The following CLSTN2 variants were observed in gnomAD, a reference collection of about 807,000 sequenced individuals.
CLSTN2 encodes calsyntenin 2.
CLSTN2 carries 48 observed loss-of-function variants against 101.2 expected under a neutral mutation model. That is an observed-to-expected ratio of 0.47 (90% confidence interval 0.38 to 0.60). CLSTN2 has a LOEUF of 0.60. CLSTN2 is among the 20% of genes least tolerant of loss of function. The pLI is 0.00. For missense variants in CLSTN2, 1,160 were observed against 1,238.2 expected (o/e 0.94, Z 0.95); for synonymous variants, 481 against 463.6 (o/e 1.04, Z -0.48).
intron 2 of CLSTN2, among the ~76,000 whole-genome samples, chr3:140,389,388 GT>G (rs2088087892): frequency 6.6e-6 from 1 of 152,218 alleles, no homozygotes; most frequent in Non-Finnish European, 1.5e-5. Flanking sequence ...AACATATGGT[GT>G]TTGGTTTTGT....
intron 9 of CLSTN2, among the ~76,000 whole-genome samples, chr3:140,536,129 G>C (rs1028270035): frequency 6.6e-6 from 1 of 152,090 alleles, no homozygotes; most frequent in Admixed American, 6.5e-5. Context: ...TTAAAAAAAA[G>C]TGACCTCAAA....
At chr3:140,425,106 T>C (rs28649127) in intron 5 of CLSTN2, among the ~76,000 whole-genome samples, 2,543 of 152,322 alleles carry the variant, frequency 0.017, 72 homozygotes, top group African/African-American at 0.057. Flanking sequence ...CTAAGCCATT[T>C]CCTTTTAAGC....
At chr3:140,113,277 C>A (rs546731832) in intron 1 of CLSTN2, among the ~76,000 whole-genome samples, 1 of 152,186 alleles carries the variant, frequency 6.6e-6, no homozygotes, top group Non-Finnish European at 1.5e-5. Flanking sequence ...CAGCAGCAAC[C>A]CAGGCTGTGC....
intron 1 of CLSTN2, among the ~76,000 whole-genome samples, chr3:139,991,109 T>C (rs1350858755): frequency 1.3e-5 from 2 of 152,130 alleles, no homozygotes; most frequent in Non-Finnish European, 1.5e-5. Context: ...AAAATGTTGG[T>C]TTTATCTTAT....
At chr3:140,048,282 G>T (rs1178155019) in intron 1 of CLSTN2, among the ~76,000 whole-genome samples, 1 of 152,176 alleles carries the variant, frequency 6.6e-6, no homozygotes, top group Non-Finnish European at 1.5e-5. Flanking sequence ...GTTGTGCATG[G>T]ACCATATCTT....
chr3:140,331,579 T>C (rs1687687072), intron 2 of CLSTN2, among the ~76,000 whole-genome samples: 1 of 152,200 alleles, frequency 6.6e-6, no homozygotes, highest in African/African-American at 2.4e-5. Flanking sequence ...TGGCTTCAGG[T>C]TGACATCTTC....
chr3:140,246,537 GC>G (rs1455963557), intron 2 of CLSTN2, among the ~76,000 whole-genome samples: 2 of 152,132 alleles, frequency 1.3e-5, no homozygotes, highest in African/African-American at 4.8e-5. Context: ...GTGTTTTCTG[GC>G]CTGCACAATG....
intron 1 of CLSTN2, among the ~76,000 whole-genome samples, chr3:140,146,006 A>C (rs1190528279): frequency 6.6e-6 from 1 of 152,224 alleles, no homozygotes; most frequent in Non-Finnish European, 1.5e-5. Context: ...GGACTTGGAC[A>C]TGGGGTCATA....
chr3:139,961,232 C>A (rs1196369381), intron 1 of CLSTN2, among the ~76,000 whole-genome samples: 5 of 152,142 alleles, frequency 3.3e-5, no homozygotes, highest in African/African-American at 9.7e-5. Flanking sequence ...AGTATCACAT[C>A]CCCCCACCCC....
chr3:140,164,447 C>T (rs1401186973), intron 1 of CLSTN2, among the ~76,000 whole-genome samples: 1 of 152,188 alleles, frequency 6.6e-6, no homozygotes, highest in Non-Finnish European at 1.5e-5. Flanking sequence ...TCAAGAGTCT[C>T]ATTTTATCTT....
chr3:140,418,073 C>A (rs139869060), intron 4 of CLSTN2, among the ~76,000 whole-genome samples: 1 of 152,128 alleles, frequency 6.6e-6, no homozygotes, highest in South Asian at 2.1e-4. Context: ...AAACTCTGAG[C>A]CTTCCTTTTG....
At chr3:140,456,827 G>T (rs549878648) in intron 6 of CLSTN2, among the ~76,000 whole-genome samples, 1 of 151,698 alleles carries the variant, frequency 6.6e-6, no homozygotes, top group African/African-American at 2.4e-5. Flanking sequence ...AATAAATAAG[G>T]TTACATAAAT....
intron 2 of CLSTN2, among the ~76,000 whole-genome samples, chr3:140,186,425 T>C (rs1317942094): frequency 6.6e-6 from 1 of 152,218 alleles, no homozygotes; most frequent in Non-Finnish European, 1.5e-5. Flanking sequence ...AAGTCCTAAA[T>C]GTCTCAGTGA....
At chr3:140,452,594 G>C (rs577521369) in intron 6 of CLSTN2, 1 of 152,350 alleles carries the variant, frequency 6.6e-6, no homozygotes, top group African/African-American at 2.4e-5. Flanking sequence ...GACCCCATTA[G>C]GAGCAATGAG....
At chr3:140,421,695 C>T (rs2088508008) in intron 5 of CLSTN2, among the ~76,000 whole-genome samples, 1 of 152,172 alleles carries the variant, frequency 6.6e-6, no homozygotes, top group Non-Finnish European at 1.5e-5. Flanking sequence ...ACAGAATGCA[C>T]ACAGGCAGAG....
chr3:140,125,587 T>C lies in CLSTN2; in HGVS notation c.110-50364T>C, dbSNP rs546468875. 4.6e-5 allele frequency among the ~76,000 whole-genome samples: 7 copies of C among 151,986 alleles called. No individual in the cohort carries two copies. In the East Asian group the frequency reaches 1.4e-3, roughly 30 times the overall value. ...GGAGTTGGAAGGGAGTGTGGGTGTT[T>C]TAAATAGAGAGGAAGGTGTGAACTA... On this transcript the variant is annotated intron_variant, in intron 1 of 16. Transcript: ENST00000458420.
intron 2 of CLSTN2, among the ~76,000 whole-genome samples, chr3:140,332,502 T>C (rs1266095337): frequency 6.6e-6 from 1 of 152,192 alleles, no homozygotes; most frequent in Non-Finnish European, 1.5e-5. Flanking sequence ...CATTTACCTG[T>C]TTTTTTATAT....
intron 1 of CLSTN2, among the ~76,000 whole-genome samples, chr3:139,988,818 C>T (rs1227528224): frequency 6.6e-6 from 1 of 152,174 alleles, no homozygotes; most frequent in African/African-American, 2.4e-5. Flanking sequence ...TGATGGGATC[C>T]TGCCTGGTTT....
chr3:139,979,843 C>A (rs1306542218), intron 1 of CLSTN2, among the ~76,000 whole-genome samples: 2 of 151,938 alleles, frequency 1.3e-5, no homozygotes, highest in African/African-American at 4.8e-5. Context: ...TTGGCTCCTC[C>A]CTCTCAAACC....
Sources: allele counts gnomAD v4.1 joint callset (sites outside exome capture counted in the v4.1 genomes callset), GRCh38; gene constraint gnomAD v4.1.1; transcripts MANE v1.5; gene names NCBI Gene and HGNC (gene_info 2026-07-23, HGNC 2026-07-21).